The following KCNH6 variants were observed in gnomAD, a reference collection of about 807,000 sequenced individuals.
The protein encoded by KCNH6 is potassium voltage-gated channel subfamily H member 6.
In KCNH6, 81 loss-of-function variants were observed where a neutral mutation model predicts 83.4. That is an observed-to-expected ratio of 0.97 (90% CI 0.81 to 1.17). The LOEUF (loss-of-function observed/expected upper bound fraction) is 1.17. Ranked by LOEUF, KCNH6 falls within the 50% of genes most tolerant of loss-of-function variation. The pLI is 0.00. For missense variants in KCNH6, 1,203 were observed against 1,290.5 expected (o/e 0.93, Z 1.04); for synonymous variants, 503 against 545.6 (o/e 0.92, Z 1.09).
At chr17:63,525,288 A>G (rs995660118) in intron 2 of KCNH6, among the ~76,000 whole-genome samples, 1 of 152,220 alleles carries the variant, frequency 6.6e-6, no homozygotes, top group African/African-American at 2.4e-5. Flanking sequence ...GATTTGCCCA[A>G]GATCCCACTG....
At position 63,534,068 on chromosome 17, in the gene KCNH6, C is replaced by A; in HGVS notation, c.858C>A (p.Asp286Glu). 1 of 1,614,144 alleles carries A rather than the reference C, an allele frequency of 6.2e-7. No homozygotes were observed. Among genetic ancestry groups the A allele is most frequent in the Non-Finnish European group, 8.5e-7 (1 of 1,180,004 alleles). Residue 286 changes from aspartate to glutamate, a missense_variant, in exon 5 of 13, where the codon GAC (aspartate) becomes GAA (glutamate). Asp to Glu is a conservative substitution (Grantham distance 45). Transcript: ENST00000314672. This position sits in a 1 kb window ranked among gnomAD's most constrained non-coding sequence, Gnocchi z 5.0. ...YSAAFLLSDQ[D>E]ESRRGACSYT... ...CCGCCTTCCTGCTCAGCGATCAGGACGAATCACGGCGTGGGGCCTGCAGCT... is the reference window on the plus strand; with the variant it reads ...CCGCCTTCCTGCTCAGCGATCAGGAAGAATCACGGCGTGGGGCCTGCAGCT...
intron 4 of KCNH6, among the ~76,000 whole-genome samples, chr17:63,531,574 G>T (rs2147655586): frequency 6.6e-6 from 1 of 152,358 alleles, no homozygotes; most frequent in East Asian, 1.9e-4. Context: ...GGAACCAGGT[G>T]TGGGGAAGAC....
At position 63,545,221 on chromosome 17, in the gene KCNH6, G is replaced by A. The variant is rs1382965224; in HGVS notation, c.2540G>A (p.Ser847Asn). ...ALVPIASETTSPGPRLPQGFL... is the reference protein window; with the variant it reads ...ALVPIASETTNPGPRLPQGFL... ...GTTCCTATAGCCTCGGAGACGACGA[G>A]TCCAGGGCCCAGGCTGCCCCAGGGC... is the stretch of plus-strand genomic sequence containing the variant. The change falls in exon 12 of 13, where the codon AGT (serine) becomes AAT (asparagine). Residue 847 changes from serine (S) to asparagine (N), a missense_variant. Ser to Asn is a conservative substitution (Grantham distance 46). Transcript: ENST00000314672. The A allele has an allele frequency of 1.9e-6, 3 of 1,613,688 alleles. No individual in the cohort carries two copies. Among genetic ancestry groups the A allele is most frequent in the South Asian group, 1.1e-5 (1 of 91,086 alleles).
Position 63,533,771 on chromosome 17 carries a change from A to G in KCNH6, c.676-115A>G, listed in dbSNP as rs2032275559. ...CTCTCCCTCATCCCCTCTGCCCACC[A>G]GAGCCGTGGTCACCCACCCTCTCCC... On this transcript the variant is annotated intron_variant, in intron 4 of 12. Coordinates refer to ENST00000314672, the MANE Select transcript of KCNH6 (RefSeq NM_001278919.2). This position sits in a 1 kb window ranked among gnomAD's most constrained non-coding sequence, Gnocchi z 4.1. 2.2e-6 allele frequency: 2 copies of G among 898,804 alleles called. No individual in the cohort carries two copies. The highest frequency in any genetic ancestry group is 3.4e-6 in the Non-Finnish European group (2 of 587,946). 55.7% of individuals were successfully genotyped at this position (898,804 alleles called of 1,614,324 possible).
At position 63,534,031 on chromosome 17, in the gene KCNH6, C is replaced by T. The variant is rs752536722; in HGVS notation, c.821C>T (p.Thr274Met). 3.8e-5 allele frequency: 62 copies of T among 1,614,062 alleles called. 2 individuals are homozygous for T. The Middle Eastern group carries it at 6.6e-4, about 17-fold the overall frequency. The change falls in exon 5 of 13, where the codon ACG (threonine) becomes ATG (methionine). Residue 274 changes from threonine (T) to methionine (M), a missense_variant. Thr to Met is a moderately conservative substitution (Grantham distance 81). Coordinates refer to ENST00000314672, the MANE Select transcript of KCNH6 (RefSeq NM_001278919.2). This position sits in a 1 kb window ranked among gnomAD's most constrained non-coding sequence, Gnocchi z 5.0. ...LLLVIYTAVF[T>M]PYSAAFLLSD... ...CTGGTCATCTACACGGCTGTCTTCA[C>T]GCCCTACTCAGCCGCCTTCCTGCTC...
At position 63,523,528 on chromosome 17, in the gene KCNH6, G is replaced by A. The variant is rs1418905498; in HGVS notation, c.76+39G>A. ...TGTTGGGGCGGGGGGACGATCTGGA[G>A]TCCTGGTTCCGTGAAAGGGGGGGCT... On this transcript the variant is annotated intron_variant, in intron 1 of 12. Transcript: ENST00000314672. This position sits in a 1 kb window ranked among gnomAD's most constrained non-coding sequence, Gnocchi z 4.2. 1 of 1,572,748 alleles carries A rather than the reference G, an allele frequency of 6.4e-7. No homozygotes were observed. Among genetic ancestry groups the A allele is most frequent in the Non-Finnish European group, 8.7e-7 (1 of 1,154,202 alleles).
In KCNH6 at chr17:63,530,525, A is replaced by C; in HGVS notation, c.658A>C (p.Thr220Pro). The part of the protein sequence containing the change: ...HKVVERTQNV[T>P]EKVTQVLSLG... ...GGTGGTGGAGCGGACACAGAACGTC[A>C]CTGAGAAGGTCACCCAGGTGCGGGC... Residue 220 changes from threonine (T) to proline (P), a missense_variant, in exon 4 of 13, where the codon ACT becomes CCT. Physicochemically the swap from Thr to Pro is conservative, Grantham distance 38. Transcript: ENST00000314672. The C allele has an allele frequency of 6.2e-7, 1 of 1,614,064 alleles. No homozygotes were observed. The highest frequency in any genetic ancestry group is 2.2e-5 in the East Asian group (1 of 44,882).
rs201958062 is a variant in KCNH6, at chr17:63,545,219, G to A, written c.2538G>A (p.Thr846=). The part of the protein sequence containing the change: ...LALVPIASET[T]SPGPRLPQGF... ...TGGTTCCTATAGCCTCGGAGACGAC[G>A]AGTCCAGGGCCCAGGCTGCCCCAGG... The change falls in exon 12 of 13, where the codon ACG becomes ACA. Residue 846 remains threonine (T), a synonymous_variant. Coordinates refer to ENST00000314672, the MANE Select transcript of KCNH6 (RefSeq NM_001278919.2). 12 of 1,613,714 alleles carry A rather than the reference G, an allele frequency of 7.4e-6. No homozygotes were observed. Among genetic ancestry groups the A allele is most frequent in the South Asian group, 1.1e-5 (1 of 91,084 alleles).
intron 8 of KCNH6, among the ~76,000 whole-genome samples, chr17:63,540,818 C>T (rs1472725726): frequency 2.6e-5 from 4 of 152,336 alleles, no homozygotes; most frequent in South Asian, 2.1e-4. Context: ...AGTCATGCTC[C>T]GTGGCACCCC....
Position 63,523,409 on chromosome 17 carries a change from G to A in KCNH6, c.-5G>A. The A allele has an allele frequency of 1.3e-6, 2 of 1,589,506 alleles. No homozygotes were observed. The highest frequency in any genetic ancestry group is 2.4e-5 in the East Asian group (1 of 41,394). On this transcript the variant is annotated 5_prime_UTR_variant, in exon 1 of 13. Transcript: ENST00000314672. This position sits in a 1 kb window ranked among gnomAD's most constrained non-coding sequence, Gnocchi z 4.2. Reference sequence around the variant, plus strand: ...GTGGCTCCGGGCAGGGGCCGCGGCCGAAAGATGCCGGTCCGCAGGGGCCAC... The same window carrying A: ...GTGGCTCCGGGCAGGGGCCGCGGCCAAAAGATGCCGGTCCGCAGGGGCCAC...
intron 2 of KCNH6, among the ~76,000 whole-genome samples, chr17:63,529,033 C>A (rs984305167): frequency 6.6e-6 from 1 of 152,180 alleles, no homozygotes; most frequent in African/African-American, 2.4e-5. Context: ...CGGGGTTTCA[C>A]CATGTTGGCC....
At chr17:63,547,494 C>T (rs2033171964), downstream of KCNH6, among the ~76,000 whole-genome samples, 1 of 2,476 alleles carries the variant, frequency 4.0e-4, no homozygotes, top group South Asian at 0.011. Flanking sequence ...AGAGCCACCA[C>T]CATCTATTTT....
In KCNH6 at chr17:63,533,364, T is replaced by A. The variant is rs77542704; in HGVS notation, c.676-522T>A. 8.3e-3 allele frequency among the ~76,000 whole-genome samples: 1,262 copies of A among 152,150 alleles called. 17 individuals carry two copies. Among genetic ancestry groups the A allele is most frequent in the African/African-American group, 0.029 (1,208 of 41,494 alleles). Reference sequence around the variant, plus strand: ...GACTCTTTCCATGGGAGGCTCTGAGTTGGCCTCAGAGAGGGCACTCACTGG... The same window carrying A: ...GACTCTTTCCATGGGAGGCTCTGAGATGGCCTCAGAGAGGGCACTCACTGG... On this transcript the variant is annotated intron_variant, in intron 4 of 12. Transcript: ENST00000314672. This position sits in a 1 kb window ranked among gnomAD's most constrained non-coding sequence, Gnocchi z 4.1.
intron 4 of KCNH6, among the ~76,000 whole-genome samples, chr17:63,530,921 A>G (rs1191639493): frequency 6.6e-6 from 1 of 152,158 alleles, no homozygotes; most frequent in African/African-American, 2.4e-5. Flanking sequence ...CCAAGGCCAT[A>G]CTGAGAGGAG....
chr17:63,538,120 CTCG>C lies in KCNH6; in HGVS notation c.1558_1560del (p.Ser520del). On this transcript the variant is annotated inframe_deletion, in exon 7 of 13. Transcript: ENST00000314672. This position sits in a 1 kb window ranked among gnomAD's most constrained non-coding sequence, Gnocchi z 4.0. Reference sequence around the variant, plus strand: ...TGTCCGCGATCATCCAGCGCCTGTACTCGGGCACCGCGCGCTACCACACGCAGA... The same window carrying C: ...TGTCCGCGATCATCCAGCGCCTGTACGGCACCGCGCGCTACCACACGCAGA... 6.2e-7 allele frequency: 1 copy of C among 1,614,122 alleles called. No individual in the cohort carries two copies.
intron 3 of KCNH6, 22 bp downstream of exon 3, chr17:63,530,274 G>C: frequency 6.2e-7 from 1 of 1,613,792 alleles, no homozygotes; most frequent in Non-Finnish European, 8.5e-7. Context: ...TGAGGGTGGT[G>C]GTGGGAGGGA....
chr17:63,526,213 A>G (rs1416105407), intron 2 of KCNH6, among the ~76,000 whole-genome samples: 1 of 152,036 alleles, frequency 6.6e-6, no homozygotes, highest in Non-Finnish European at 1.5e-5. Context: ...ATCTACTCCC[A>G]TCCCACCCTC....
In KCNH6 at chr17:63,545,248, T is replaced by G; in HGVS notation, c.2567T>G (p.Phe856Cys). The change falls in exon 12 of 13, where the codon TTT becomes TGT. Residue 856 changes from phenylalanine (F) to cysteine (C), a missense_variant. Transcript: ENST00000314672. ...CCAGGGCCCAGGCTGCCCCAGGGCT[T>G]TCTGCCTCCTGCACAGGTAAGAGGT... The part of the protein sequence containing the change: ...TSPGPRLPQG[F>C]LPPAQTPSYG... 1 of 1,613,464 alleles carries G rather than the reference T, an allele frequency of 6.2e-7. No homozygotes were observed. The highest frequency in any genetic ancestry group is 8.5e-7 in the Non-Finnish European group (1 of 1,180,022).
chr17:63,523,988 C>A lies in KCNH6; in HGVS notation c.77-151C>A. 1.4e-6 allele frequency: 1 copy of A among 690,426 alleles called. No individual in the cohort carries two copies. The highest frequency in any genetic ancestry group is 2.6e-6 in the Non-Finnish European group (1 of 378,046). 42.8% of individuals were successfully genotyped at this position (690,426 alleles called of 1,614,324 possible). ...CTCACTGCCCTAGTCTTCCCACAAT[C>A]CCCAGGCCTGACTCCCTCCCTCATT... is the stretch of plus-strand genomic sequence containing the variant. On this transcript the variant is annotated intron_variant, in intron 1 of 12. Transcript: ENST00000314672. This position sits in a 1 kb window ranked among gnomAD's most constrained non-coding sequence, Gnocchi z 4.2.
Sources: allele counts gnomAD v4.1 joint callset (sites outside exome capture counted in the v4.1 genomes callset), GRCh38; gene constraint gnomAD v4.1.1; non-coding constraint Gnocchi (gnomAD v3.1); transcripts MANE v1.5; gene names NCBI Gene and HGNC (gene_info 2026-07-23, HGNC 2026-07-21).